Variants in TYRO3 observed in about 807,000 individuals in gnomAD.
The protein encoded by TYRO3 is tyrosine-protein kinase receptor TYRO3.
Under a neutral mutation model 95.2 loss-of-function variants are expected in TYRO3, and 38 were observed. The ratio of observed to expected loss-of-function variants is 0.40; its 90% confidence interval spans 0.31 to 0.52. The LOEUF is 0.52. TYRO3 is among the 20% of genes least tolerant of loss of function. TYRO3 has a pLI of 0.56. For missense variants in TYRO3, 812 were observed against 1,116.4 expected, an observed-to-expected ratio of 0.73 and a Z score of 3.89; for synonymous variants, 367 against 432.9, an observed-to-expected ratio of 0.85 and a Z score of 1.89.
intron 18 of TYRO3, among the ~76,000 whole-genome samples, chr15:41,576,308 C>T (rs887376443): frequency 1.3e-4 from 19 of 151,836 alleles, no homozygotes; most frequent in African/African-American, 4.6e-4. Context: ...ATTCTCGTGC[C>T]TCAGTCTCCT....
intron 18 of TYRO3, among the ~76,000 whole-genome samples, chr15:41,575,502 C>G (rs951123734): frequency 2.6e-5 from 4 of 152,244 alleles, no homozygotes; most frequent in African/African-American, 9.6e-5. Context: ...CTAGCACAGC[C>G]TTGAGGACGT....
Position 41,568,872 on chromosome 15 carries a change from C to T in TYRO3, c.1108-6C>T. ...ACTATGGGGTGGGGGCTTTTCCTGG[C>T]TGCAGGATGAGCTGACAGTGGAGGG... On this transcript the variant is annotated splice_region_variant and splice_polypyrimidine_tract_variant and intron_variant, in intron 8 of 18. Coordinates refer to ENST00000263798, the MANE Select transcript of TYRO3 (RefSeq NM_006293.4). 6.7e-7 allele frequency: 1 copy of T among 1,491,102 alleles called. No individual in the cohort carries two copies. The allele number at this position is 1,491,102 out of a possible 1,614,324, so 92.4% of individuals were successfully genotyped here.
intron 9 of TYRO3, 74 bp from the exon 10 acceptor site, chr15:41,569,953 G>T: frequency 6.5e-7 from 1 of 1,547,796 alleles, no homozygotes; most frequent in Non-Finnish European, 8.7e-7. Flanking sequence ...CCAGCTGGAT[G>T]GCCATCCTGG....
chr15:41,571,432 C>A, intron 13 of TYRO3, 163 bp from the exon 14 acceptor site: 1 of 626,446 alleles, frequency 1.6e-6, no homozygotes. Flanking sequence ...GGAGAAGTTG[C>A]TAAGTATCAC....
In TYRO3 at chr15:41,565,128, C is replaced by T. The variant is rs1481435193; in HGVS notation, c.770C>T (p.Ser257Phe). ...PGADGRALLQSCTVQVTQAPG... is the reference protein window; with the variant it reads ...PGADGRALLQFCTVQVTQAPG... ...GCTGATGGCCGAGCTCTGCTACAGT[C>T]CTGTACAGTTCAGGTAGGCTCTCCG... is the stretch of plus-strand genomic sequence containing the variant. Residue 257 changes from serine to phenylalanine, a missense_variant, in exon 6 of 19, where the codon TCC becomes TTC. By Grantham distance (155) the Ser-to-Phe change is radical. Coordinates refer to ENST00000263798, the MANE Select transcript of TYRO3 (RefSeq NM_006293.4). 1 of 1,611,528 alleles carries T rather than the reference C, an allele frequency of 6.2e-7. No individual in the cohort carries two copies. Among genetic ancestry groups the T allele is most frequent in the Admixed American group, 1.7e-5 (1 of 59,990 alleles).
chr15:41,572,174 T>C (rs1456384632), intron 14 of TYRO3, among the ~76,000 whole-genome samples: 1 of 152,078 alleles, frequency 6.6e-6, no homozygotes, highest in East Asian at 1.9e-4. Context: ...CCAGCCTAGA[T>C]GACAGAGCAA....
chr15:41,561,331 G>C (rs547408708), intron 2 of TYRO3, 21 bp downstream of exon 2: 1 of 1,335,206 alleles, frequency 7.5e-7, no homozygotes, highest in South Asian at 1.3e-5. Flanking sequence ...GTGGGGGAAG[G>C]TGTGGGCTGC....
Position 41,559,279 on chromosome 15 carries a change from G to C in TYRO3, c.22G>C (p.Gly8Arg), listed in dbSNP as rs1255919480. 1 of 499,190 alleles carries C rather than the reference G, an allele frequency of 2.0e-6. No individual in the cohort carries two copies. The highest frequency in any genetic ancestry group is 4.8e-5 in the Admixed American group (1 of 21,038). 30.9% of individuals were successfully genotyped at this position (499,190 alleles called of 1,614,324 possible). Reference sequence around the variant, plus strand: ...GCCGATGGCGCTGAGGCGGAGCATGGGGCGGCCGGGGCTCCCGCCGCTGCC... The same window carrying C: ...GCCGATGGCGCTGAGGCGGAGCATGCGGCGGCCGGGGCTCCCGCCGCTGCC... The part of the protein sequence containing the change: MALRRSM[G>R]RPGLPPLPLP... The change falls in exon 1 of 19, where the codon GGG becomes CGG. Residue 8 changes from glycine to arginine, a missense_variant. Gly to Arg is a moderately radical substitution (Grantham distance 125, BLOSUM62 -2). Coordinates refer to ENST00000263798, the MANE Select transcript of TYRO3 (RefSeq NM_006293.4).
At position 41,571,658 on chromosome 15, in the gene TYRO3, T is replaced by G. The variant is rs1566902521; in HGVS notation, c.1724T>G (p.Phe575Cys). 1 of 1,613,674 alleles carries G rather than the reference T, an allele frequency of 6.2e-7. No homozygotes were observed. The highest frequency in any genetic ancestry group is 2.2e-5 in the East Asian group (1 of 44,864). ...AGGGAAGCAGCTTGCATGAAGGAGT[T>G]TGACCATCCACACGTGGCCAAACTT... The part of the protein sequence containing the change: ...FLREAACMKE[F>C]DHPHVAKLVG... Residue 575 changes from phenylalanine to cysteine, a missense_variant, in exon 14 of 19, where the codon TTT becomes TGT. Phe to Cys is a radical substitution (Grantham distance 205, BLOSUM62 -2). Coordinates refer to ENST00000263798, the MANE Select transcript of TYRO3 (RefSeq NM_006293.4).
intron 15 of TYRO3, 64 bp downstream of exon 15, chr15:41,572,628 T>C (rs1432799973): frequency 3.5e-6 from 5 of 1,422,022 alleles, no homozygotes; most frequent in Admixed American, 3.8e-5. Context: ...TGGAAAGGCA[T>C]AGAGACCCTG....
At chr15:41,560,285 A>G (rs2055630077) in intron 1 of TYRO3, among the ~76,000 whole-genome samples, 1 of 152,178 alleles carries the variant, frequency 6.6e-6, no homozygotes, top group Non-Finnish European at 1.5e-5. Flanking sequence ...GCCTAGAGTC[A>G]CACAGCAAAG....
At position 41,573,813 on chromosome 15, in the gene TYRO3, C is replaced by CGT; in HGVS notation, c.2282+2_2282+3dup. The CGT allele has an allele frequency of 1.2e-6, 2 of 1,613,870 alleles. No homozygotes were observed. The highest frequency in any genetic ancestry group is 1.6e-4 in the Middle Eastern group (1 of 6,062). On this transcript the variant is annotated frameshift_variant and splice_region_variant, in exon 18 of 19. Transcript: ENST00000263798. LOFTEE classifies it high-confidence loss of function. The stretch of plus-strand genomic sequence containing the variant: ...AACAGCCTCCGGAGTGTATGGAGGA[C>CGT]GTGTGAGTATCCTGGGAAGGGGGCT...
intron 18 of TYRO3, among the ~76,000 whole-genome samples, chr15:41,576,669 T>TTTA (rs1395461321): frequency 1.2e-5 from 1 of 83,678 alleles, no homozygotes; most frequent in South Asian, 5.4e-4. Flanking sequence ...TTTTTTTTTT[T>TTTA]AAAAAAAAAA....
chr15:41,572,614 G>A, intron 15 of TYRO3, 50 bp downstream of exon 15: 1 of 1,610,608 alleles, frequency 6.2e-7, no homozygotes, highest in Non-Finnish European at 8.5e-7. Context: ...GGGAACACAG[G>A]GCCTGGAAAG....
chr15:41,564,834 C>G, intron 5 of TYRO3, 192 bp from the exon 6 acceptor site: 1 of 584,102 alleles, frequency 1.7e-6, no homozygotes, highest in South Asian at 1.9e-5. Context: ...CCCAGGCACT[C>G]TCCCAGGTGT....
At chr15:41,560,216 G>C (rs1340392593) in intron 1 of TYRO3, among the ~76,000 whole-genome samples, 3 of 152,174 alleles carry the variant, frequency 2.0e-5, no homozygotes, top group African/African-American at 4.8e-5. Flanking sequence ...GGGAAACGGG[G>C]TGACGAGTAT....
At chr15:41,564,971 C>T in intron 5 of TYRO3, 55 bp from the exon 6 acceptor site, 1 of 1,230,626 alleles carries the variant, frequency 8.1e-7, no homozygotes, top group Non-Finnish European at 1.2e-6. Flanking sequence ...CCCATGCCTC[C>T]TGCTGCCTCT....
At chr15:41,575,857 G>A (rs551897642) in intron 18 of TYRO3, among the ~76,000 whole-genome samples, 1 of 152,066 alleles carries the variant, frequency 6.6e-6, no homozygotes, top group African/African-American at 2.4e-5. Flanking sequence ...GCTCACGCCC[G>A]TAATCCCAGC....
Position 41,578,322 on chromosome 15 carries a change from C to T in TYRO3, c.*46C>T. On this transcript the variant is annotated 3_prime_UTR_variant, in exon 19 of 19. Transcript: ENST00000263798. The stretch of plus-strand genomic sequence containing the variant: ...GGGCCATTTGGCCGGCTCTGGTGGC[C>T]ACTGAGCTGGCTGACTAAGCCCCGT... The T allele has an allele frequency of 6.2e-7, 1 of 1,609,052 alleles. No homozygotes were observed. The highest frequency in any genetic ancestry group is 8.5e-7 in the Non-Finnish European group (1 of 1,177,846).
Sources: gnomAD v4.1 joint callset for allele counts (sites outside exome capture counted in the v4.1 genomes callset) on GRCh38, gnomAD v4.1.1 for gene constraint, MANE v1.5 for transcripts, NCBI Gene and HGNC (gene_info 2026-07-23, HGNC 2026-07-21) for gene names.